Variants in OXER1 observed in about 807,000 individuals in gnomAD.
The protein encoded by OXER1 is oxoeicosanoid receptor 1.
For synonymous variants in OXER1, 258 were observed against 245.8 expected (o/e 1.05, Z -0.47); for missense variants, 587 against 551.7 (o/e 1.06, Z -0.64).
In OXER1 at chr2:42,763,325, G is replaced by T. The variant is rs369648915; in HGVS notation, c.855C>A (p.Gly285=). ...TGGCCCTCTGCGGGCCTGCCTGCCC[G>T]CCCAGACCACGGTTCCGGATGGTGA... The change falls in exon 1 of 1, where the codon GGC becomes GGA. Residue 285 remains glycine, a synonymous_variant. Coordinates refer to ENST00000378661, the Ensembl canonical transcript of OXER1. The surrounding 1 kb of genome is among the most constrained non-coding windows in gnomAD (Gnocchi z 4.4). The T allele has an allele frequency of 9.9e-6, 16 of 1,612,764 alleles. No individual in the cohort carries two copies. The African/African-American group carries it at 1.7e-4, about 17-fold the overall frequency.
At chr2:42,764,057 T>C in exon 1 of OXER1, 1 of 1,612,356 alleles carries the variant, frequency 6.2e-7, no homozygotes, top group Non-Finnish European at 8.5e-7. Flanking sequence ...GGTTATGAAG[T>C]TCCATGGGCT....
chr2:42,762,707 A>G (rs1216714951), exon 1 of OXER1: 28 of 588,256 alleles, frequency 4.8e-5, no homozygotes, highest in Middle Eastern at 4.7e-4. Context: ...CATTCTGGGA[A>G]TGCCATCCTG....
exon 1 of OXER1, chr2:42,762,774 A>G (rs1670499296): frequency 4.8e-6 from 5 of 1,031,396 alleles, no homozygotes; most frequent in Non-Finnish European, 7.0e-6. Context: ...GAGTCCTGCC[A>G]GTGCTTTGGC....
At chr2:42,762,535 A>G (rs1001793778) in exon 1 of OXER1, 1 of 227,420 alleles carries the variant, frequency 4.4e-6, no homozygotes, top group African/African-American at 2.3e-5. Context: ...ATTGGAAGGG[A>G]CAAACTGGAG....
chr2:42,762,651 A>G (rs1670494891), exon 1 of OXER1: 1 of 504,958 alleles, frequency 2.0e-6, no homozygotes. Flanking sequence ...TGGTGTGCCA[A>G]CGGCACCTTG....
In OXER1 at chr2:42,763,433, C is replaced by T. The variant is rs534103565; in HGVS notation, c.747G>A (p.Ser249=). 8.9e-6 allele frequency: 14 copies of T among 1,576,438 alleles called. No homozygotes were observed. Among genetic ancestry groups the T allele is most frequent in the East Asian group, 4.7e-5 (2 of 42,768 alleles). Residue 249 remains serine (S), a synonymous_variant, in exon 1 of 1, where the codon TCG becomes TCA. Transcript: ENST00000378661. The surrounding 1 kb of genome is among the most constrained non-coding windows in gnomAD (Gnocchi z 4.4). ...GGTACAGTGCCTGGTGCCAGCGGAGCGAGGCCGAGGGCTTCGTGCCCACCC... is the reference window on the plus strand; with the variant it reads ...GGTACAGTGCCTGGTGCCAGCGGAGTGAGGCCGAGGGCTTCGTGCCCACCC...
At chr2:42,762,664 T>C (rs1393151799) in exon 1 of OXER1, 1 of 521,718 alleles carries the variant, frequency 1.9e-6, no homozygotes, top group South Asian at 2.7e-5. Context: ...GCACCTTGCC[T>C]GTCTCCTCCA....
exon 1 of OXER1, chr2:42,762,749 C>T (rs1670497947): frequency 1.2e-6 from 1 of 804,282 alleles, no homozygotes; most frequent in Non-Finnish European, 1.9e-6. Flanking sequence ...GGGTTTCTCT[C>T]CCTGCCACCC....
Position 42,762,807 on chromosome 2 carries a change from C to T in OXER1, c.*101G>A, listed in dbSNP as rs546182661. The T allele has an allele frequency of 1.2e-4, 168 of 1,375,136 alleles. 3 individuals carry two copies. In the Middle Eastern group the frequency reaches 2.0e-3, roughly 17 times the overall value. The allele number at this position is 1,375,136 out of a possible 1,614,324, so 85.2% of individuals were successfully genotyped here. The stretch of plus-strand genomic sequence containing the variant: ...GGCCTGGCCCCTGGTCTGCCGCCAT[C>T]CCTTGTCCAGTTGGTTGAGGCACCG... On this transcript the variant is annotated 3_prime_UTR_variant, in exon 1 of 1. Transcript: ENST00000378661.
Position 42,763,705 on chromosome 2 carries a change from G to T in OXER1, c.475C>A (p.Arg159Ser). ...ACTTTGCAGGCAGCAGCCCCAAAGCGCCAGGTCTCATGGAGGAGGTAGTAG... is the reference window on the plus strand; with the variant it reads ...ACTTTGCAGGCAGCAGCCCCAAAGCTCCAGGTCTCATGGAGGAGGTAGTAG... Residue 159 changes from arginine (R) to serine (S), a missense_variant, in exon 1 of 1, where the codon CGC becomes AGC. Physicochemically the swap from Arg to Ser is moderately radical, Grantham distance 110. Transcript: ENST00000378661. This position sits in a 1 kb window ranked among gnomAD's most constrained non-coding sequence, Gnocchi z 4.4. 1 of 1,614,104 alleles carries T rather than the reference G, an allele frequency of 6.2e-7. No homozygotes were observed. The highest frequency in any genetic ancestry group is 1.7e-5 in the Admixed American group (1 of 60,020).
rs1437997429 is a variant in OXER1, at chr2:42,763,284, A to G, written c.896T>C (p.Met299Thr). 3 of 1,613,116 alleles carry G rather than the reference A, an allele frequency of 1.9e-6. No homozygotes were observed. Residue 299 changes from methionine (M) to threonine (T), a missense_variant, in exon 1 of 1, where the codon ATG becomes ACG. By Grantham distance (81) the Met-to-Thr change is moderately conservative. Coordinates refer to ENST00000378661, the Ensembl canonical transcript of OXER1. This position sits in a 1 kb window ranked among gnomAD's most constrained non-coding sequence, Gnocchi z 4.4. ...GCAGATGGTGTAGACGGCCACCACC[A>G]TGGCCAGCACACGCATGGCCCTCTG...
chr2:42,762,593 C>A, exon 1 of OXER1: 1 of 370,736 alleles, frequency 2.7e-6, no homozygotes, highest in Non-Finnish European at 4.9e-6. Context: ...TCTGCTGTGA[C>A]AGTGATTGGC....
In OXER1 at chr2:42,763,083, C is replaced by A; in HGVS notation, c.1097G>T (p.Ser366Ile). Residue 366 changes from serine to isoleucine, a missense_variant, in exon 1 of 1, where the codon AGC becomes ATC. Physicochemically the swap from Ser to Ile is moderately radical, Grantham distance 142. Coordinates refer to ENST00000378661, the Ensembl canonical transcript of OXER1. The surrounding 1 kb of genome is among the most constrained non-coding windows in gnomAD (Gnocchi z 4.4). ...CCGCGTGAGGCCCAGCAAGGCCCGG[C>A]TCTGGTGGAGGAAGTTGGGGCTAGA... The A allele has an allele frequency of 6.2e-7, 1 of 1,614,162 alleles. No individual in the cohort carries two copies.
rs1313565219 is a variant in OXER1, at chr2:42,763,191, A to G, written c.989T>C (p.Leu330Pro). 2 of 1,612,746 alleles carry G rather than the reference A, an allele frequency of 1.2e-6. No homozygotes were observed. The highest frequency in any genetic ancestry group is 2.7e-5 in the African/African-American group (2 of 75,066). The change falls in exon 1 of 1, where the codon CTG becomes CCG. Residue 330 changes from leucine (L) to proline (P), a missense_variant. Leu to Pro is a moderately conservative substitution (Grantham distance 98). Transcript: ENST00000378661. The surrounding 1 kb of genome is among the most constrained non-coding windows in gnomAD (Gnocchi z 4.4). ...ATGGAAGAGCTGTGTGCAGAGGTCC[A>G]GGGATCGGCAGGCGGACAGCCAGAA...
the OXER1 span, chr2:42,763,667 C>CA: frequency 6.2e-7 from 1 of 1,614,016 alleles, no homozygotes; most frequent in Non-Finnish European, 8.5e-7. This position sits in a 1 kb window ranked among gnomAD's most constrained non-coding sequence, Gnocchi z 4.4. Context: ...TGGTGGACAG[C>CA]ATGAAGAGGT....
Position 42,763,560 on chromosome 2 carries a change from C to G in OXER1, c.620G>C (p.Gly207Ala). Residue 207 changes from glycine to alanine, a missense_variant, in exon 1 of 1, where the codon GGG (glycine) becomes GCG (alanine). By Grantham distance (60) the Gly-to-Ala change is moderately conservative. Coordinates refer to ENST00000378661, the Ensembl canonical transcript of OXER1. The surrounding 1 kb of genome is among the most constrained non-coding windows in gnomAD (Gnocchi z 4.4). ...TCCCCCGGCCACCCGGGCAGCTGCC[C>G]CCACGGAAGCACGGCTCAGCACGTG... is the stretch of plus-strand genomic sequence containing the variant. 6.4e-7 allele frequency: 1 copy of G among 1,573,366 alleles called. No individual in the cohort carries two copies. The highest frequency in any genetic ancestry group is 1.4e-5 in the African/African-American group (1 of 73,946).
In OXER1 at chr2:42,763,805, G is replaced by A. The variant is rs747226316; in HGVS notation, c.375C>T (p.Thr125=). 3 of 1,614,012 alleles carry A rather than the reference G, an allele frequency of 1.9e-6. No individual in the cohort carries two copies. Among genetic ancestry groups the A allele is most frequent in the Non-Finnish European group, 2.5e-6 (3 of 1,180,026 alleles). The change falls in exon 1 of 1, where the codon ACC becomes ACT. Residue 125 remains threonine, a synonymous_variant. Coordinates refer to ENST00000378661, the Ensembl canonical transcript of OXER1. The surrounding 1 kb of genome is among the most constrained non-coding windows in gnomAD (Gnocchi z 4.4). Reference sequence around the variant, plus strand: ...GGCTGACCAGGAACACCGTGTTGGAGGTCCAGGGCCGCGTGTGGATGCAGA... The same window carrying A: ...GGCTGACCAGGAACACCGTGTTGGAAGTCCAGGGCCGCGTGTGGATGCAGA...
rs1284547098 is a variant in OXER1, at chr2:42,763,909, C to A, written c.271G>T (p.Val91Leu). The stretch of plus-strand genomic sequence containing the variant: ...AGGATTGGTGCCAGGAAGGCAGACA[C>A]CAGCGAGGAAGAGGTGGGGTGGCAG... The change falls in exon 1 of 1, where the codon GTG becomes TTG. Residue 91 changes from valine (V) to leucine (L), a missense_variant. Physicochemically the swap from Val to Leu is conservative, Grantham distance 32 (BLOSUM62 1). Coordinates refer to ENST00000378661, the Ensembl canonical transcript of OXER1. This position sits in a 1 kb window ranked among gnomAD's most constrained non-coding sequence, Gnocchi z 4.4. 13 of 1,613,760 alleles carry A rather than the reference C, an allele frequency of 8.1e-6. No homozygotes were observed. Among genetic ancestry groups the A allele is most frequent in the African/African-American group, 1.3e-5 (1 of 74,822 alleles).
At position 42,762,870 on chromosome 2, in the gene OXER1, C is replaced by T. The variant is rs12617777; in HGVS notation, c.*38G>A. On this transcript the variant is annotated 3_prime_UTR_variant, in exon 1 of 1. Coordinates refer to ENST00000378661, the Ensembl canonical transcript of OXER1. Reference sequence around the variant, plus strand: ...GTCCCTCCAGGCCAGAGCGCGGCAGCCCTTACCCCCACAGCGCTGCAGCCC... The same window carrying T: ...GTCCCTCCAGGCCAGAGCGCGGCAGTCCTTACCCCCACAGCGCTGCAGCCC... The T allele has an allele frequency of 7.0e-6, 11 of 1,573,136 alleles. 1 individual carries two copies. The South Asian group carries it at 1.3e-4, about 18-fold the overall frequency.
Sources: gnomAD v4.1 joint callset for allele counts on GRCh38, gnomAD v4.1.1 for gene constraint, Gnocchi (gnomAD v3.1) non-coding constraint, MANE v1.5 for transcripts, NCBI Gene and HGNC (gene_info 2026-07-23, HGNC 2026-07-21) for gene names.